ATP8A1: variants seen among roughly 807,000 people sequenced by gnomAD.
ATP8A1 encodes the protein ATPase phospholipid transporting 8A1.
Under a neutral mutation model 177.7 loss-of-function variants are expected in ATP8A1, and 90 were observed. The ratio of observed to expected loss-of-function variants is 0.51; its 90% CI spans 0.43 to 0.60. The LOEUF (loss-of-function observed/expected upper bound fraction) is 0.60, where lower values mean the gene tolerates loss of function less well. ATP8A1 is among the 20% of genes least tolerant of loss of function. ATP8A1 has a pLI of 0.00. For synonymous variants in ATP8A1, 493 were observed against 485.9 expected (o/e 1.01, Z -0.19); for missense variants, 1,072 against 1,392.8 (o/e 0.77, Z 3.67).
At chr4:42,459,557 A>C in intron 27 of ATP8A1, 1 of 328,740 alleles carries the variant, frequency 3.0e-6, no homozygotes, top group Non-Finnish European at 6.0e-6. Context: ...ACATATAAAT[A>C]GAAAAGCTAG....
At chr4:42,592,031 C>A (rs542158413) in intron 6 of ATP8A1, among the ~76,000 whole-genome samples, 1 of 152,164 alleles carries the variant, frequency 6.6e-6, no homozygotes, top group South Asian at 2.1e-4. Context: ...ACAACTACTA[C>A]CTATTTCATG....
intron 6 of ATP8A1, chr4:42,594,139 T>A (rs1734481090): frequency 2.1e-6 from 1 of 486,506 alleles, no homozygotes; most frequent in African/African-American, 1.9e-5. Context: ...GCCCTTTAAG[T>A]CCAATCAATT....
At chr4:42,519,332 G>C (rs1725880274) in intron 22 of ATP8A1, among the ~76,000 whole-genome samples, 1 of 152,108 alleles carries the variant, frequency 6.6e-6, no homozygotes, top group Non-Finnish European at 1.5e-5. Context: ...TGGGCTCAAT[G>C]ATCCTCCCAC....
intron 25 of ATP8A1, among the ~76,000 whole-genome samples, chr4:42,466,551 T>C (rs1719786762): frequency 6.6e-6 from 1 of 152,228 alleles, no homozygotes; most frequent in Non-Finnish European, 1.5e-5. Context: ...GCCTGTAAAG[T>C]CAATTGGTCT....
rs531910455 is a variant in ATP8A1 at position 42,611,036 on chromosome 4, T to C, written c.409+4997A>G. ...TGAATTGAACCAGATGAACTCCGCC[T>C]TGTTGTTAGTAGGTCATTTCATGCT... On this transcript the variant is annotated intron_variant, in intron 5 of 36. Coordinates refer to ENST00000381668, the MANE Select transcript of ATP8A1 (RefSeq NM_006095.2). Among the ~76,000 whole-genome samples, 33 of 152,360 alleles carry C rather than the reference T, an allele frequency of 2.2e-4. No homozygotes were observed. In the South Asian group the frequency reaches 6.2e-3, roughly 29 times the overall value.
chr4:42,509,586 C>T (rs1049605250), intron 22 of ATP8A1, among the ~76,000 whole-genome samples: 5 of 152,126 alleles, frequency 3.3e-5, no homozygotes, highest in Non-Finnish European at 5.9e-5. Context: ...CTTGGCCAGG[C>T]GCGGTGGCTC....
chr4:42,649,726 G>A lies in ATP8A1; in HGVS notation c.49+7099C>T, dbSNP rs374532642. ...AGCAGCGAACAAATCTCACAAAAACGCTCCTTTGGGGTGCTAAGGTTTCAG... is the reference window on the plus strand; with the variant it reads ...AGCAGCGAACAAATCTCACAAAAACACTCCTTTGGGGTGCTAAGGTTTCAG... On this transcript the variant is annotated intron_variant, in intron 1 of 36. Transcript: ENST00000381668. Among the ~76,000 whole-genome samples, 9 of 152,210 alleles carry A rather than the reference G, an allele frequency of 5.9e-5. No homozygotes were observed. The South Asian group carries it at 1.0e-3, about 18-fold the overall frequency.
At chr4:42,494,829 A>C (rs994569327) in intron 24 of ATP8A1, among the ~76,000 whole-genome samples, 1 of 152,216 alleles carries the variant, frequency 6.6e-6, no homozygotes, top group African/African-American at 2.4e-5. Context: ...TTGGTTTAAA[A>C]TAATTAATTA....
At chr4:42,636,560 T>C (rs1328567400) in intron 1 of ATP8A1, among the ~76,000 whole-genome samples, 1 of 152,194 alleles carries the variant, frequency 6.6e-6, no homozygotes, top group Admixed American at 6.5e-5. Flanking sequence ...AAATGGAAAC[T>C]ATTTAGCAAT....
chr4:42,573,449 G>A (rs1732104796), intron 14 of ATP8A1, among the ~76,000 whole-genome samples: 1 of 152,150 alleles, frequency 6.6e-6, no homozygotes, highest in Non-Finnish European at 1.5e-5. Context: ...GAGGAGGCAG[G>A]TGAGCCTCTT....
chr4:42,500,930 G>A (rs1042645709), intron 24 of ATP8A1, among the ~76,000 whole-genome samples: 36 of 151,954 alleles, frequency 2.4e-4, no homozygotes, highest in Admixed American at 2.0e-4. Flanking sequence ...GAATTTCTTC[G>A]GTGGTGATCT....
At chr4:42,590,362 C>T (rs1734041978) in intron 7 of ATP8A1, among the ~76,000 whole-genome samples, 1 of 152,066 alleles carries the variant, frequency 6.6e-6, no homozygotes, top group South Asian at 2.1e-4. Context: ...AAGGATTTTA[C>T]AGAACTTACA....
intron 1 of ATP8A1, among the ~76,000 whole-genome samples, chr4:42,636,478 G>A (rs938087316): frequency 6.6e-6 from 1 of 151,974 alleles, no homozygotes; most frequent in Non-Finnish European, 1.5e-5. Context: ...TGCTTCAAAG[G>A]TAAAGACTTA....
chr4:42,587,961 T>C (rs1475667053), intron 8 of ATP8A1, among the ~76,000 whole-genome samples: 3 of 152,188 alleles, frequency 2.0e-5, no homozygotes, highest in South Asian at 4.1e-4. Context: ...ACCAGGTGAA[T>C]AGGAAGAAGT....
At chr4:42,531,289 T>C (rs1727236981) in intron 20 of ATP8A1, among the ~76,000 whole-genome samples, 1 of 152,144 alleles carries the variant, frequency 6.6e-6, no homozygotes, top group African/African-American at 2.4e-5. Context: ...TTTGGGTCAC[T>C]CCACCAGGAA....
chr4:42,455,426 C>G lies in ATP8A1; in HGVS notation c.2695-7G>C. The G allele has an allele frequency of 6.2e-7, 1 of 1,613,746 alleles. No individual in the cohort carries two copies. ...GAGGCATTGCTGTAAACATCTAAAGCGCACAAACTGGTCATTATGTCAAGC... is the reference window on the plus strand; with the variant it reads ...GAGGCATTGCTGTAAACATCTAAAGGGCACAAACTGGTCATTATGTCAAGC... On this transcript the variant is annotated splice_region_variant and splice_polypyrimidine_tract_variant and intron_variant, in intron 28 of 36. Coordinates refer to ENST00000381668, the MANE Select transcript of ATP8A1 (RefSeq NM_006095.2).
At chr4:42,537,497 T>C (rs1291601219) in intron 20 of ATP8A1, among the ~76,000 whole-genome samples, 1 of 152,100 alleles carries the variant, frequency 6.6e-6, no homozygotes, top group African/African-American at 2.4e-5. Flanking sequence ...GCTGATGACA[T>C]GATCATATAC....
chr4:42,558,417 A>G (rs1730472108), intron 15 of ATP8A1, among the ~76,000 whole-genome samples: 1 of 152,206 alleles, frequency 6.6e-6, no homozygotes, highest in Admixed American at 6.5e-5. Context: ...ATCACAGTTA[A>G]GGTAAGGAGA....
intron 24 of ATP8A1, among the ~76,000 whole-genome samples, chr4:42,495,932 G>A (rs1265634393): frequency 6.6e-6 from 1 of 152,140 alleles, no homozygotes; most frequent in Non-Finnish European, 1.5e-5. Context: ...CCAGGACGGG[G>A]GTAGATATGG....
Sources: allele counts gnomAD v4.1 joint callset (sites outside exome capture counted in the v4.1 genomes callset), GRCh38; gene constraint gnomAD v4.1.1; transcripts MANE v1.5; gene names NCBI Gene and HGNC (gene_info 2026-07-23, HGNC 2026-07-21).